TMEM132D: variants seen among roughly 807,000 people sequenced by gnomAD.
The protein encoded by TMEM132D is mature OL transmembrane protein.
TMEM132D carries 21 observed loss-of-function variants against 62.3 expected under a neutral mutation model. The ratio of observed to expected loss-of-function variants is 0.34; its 90% CI spans 0.24 to 0.49. The LOEUF (loss-of-function observed/expected upper bound fraction) is 0.49. Among genes scored for constraint, TMEM132D ranks in the 20% least tolerant of loss-of-function variants. The probability of loss-of-function intolerance (pLI) is 0.99; values close to 1 mark genes in which losing one functional copy is unlikely to be tolerated. For synonymous variants in TMEM132D, 621 were observed against 575.6 expected, an observed-to-expected ratio of 1.08 and a Z score of -1.13; for missense variants, 1,346 against 1,402.8, an observed-to-expected ratio of 0.96 and a Z score of 0.65.
chr12:129,146,076 CT>C (rs10714658), intron 5 of TMEM132D, among the ~76,000 whole-genome samples: 83,120 of 149,378 alleles, frequency 0.56, 23,761 homozygotes, highest in African/African-American at 0.72. Flanking sequence ...CCATACTGAT[CT>C]TTTTTTTTTT....
chr12:129,333,620 C>T (rs1295706828), intron 4 of TMEM132D, among the ~76,000 whole-genome samples: 1 of 152,156 alleles, frequency 6.6e-6, no homozygotes, highest in African/African-American at 2.4e-5. Flanking sequence ...CAGGACAGCA[C>T]CAGACATTTC....
chr12:129,770,960 CT>C (rs1870730197), intron 1 of TMEM132D, among the ~76,000 whole-genome samples: 1 of 152,198 alleles, frequency 6.6e-6, no homozygotes. Context: ...TAGTTAAATA[CT>C]CGTATCTCAC....
At chr12:129,740,642 G>A (rs1357957126) in intron 1 of TMEM132D, among the ~76,000 whole-genome samples, 2 of 151,998 alleles carry the variant, frequency 1.3e-5, no homozygotes, top group Admixed American at 6.6e-5. Flanking sequence ...GGCTTTCAAG[G>A]ATGCCACATA....
chr12:129,642,936 T>G (rs1293630356), intron 2 of TMEM132D, among the ~76,000 whole-genome samples: 1 of 149,954 alleles, frequency 6.7e-6, no homozygotes, highest in Non-Finnish European at 1.5e-5. Context: ...TTTTTTTTTT[T>G]TTTTTGAGAC....
At chr12:129,436,484 C>T (rs1415591636) in intron 3 of TMEM132D, among the ~76,000 whole-genome samples, 1 of 152,096 alleles carries the variant, frequency 6.6e-6, no homozygotes, top group Non-Finnish European at 1.5e-5. Context: ...TGTGAGGCAG[C>T]TGGGTGAGGA....
intron 4 of TMEM132D, among the ~76,000 whole-genome samples, chr12:129,244,450 C>T: frequency 6.6e-6 from 1 of 150,984 alleles, no homozygotes; most frequent in Admixed American, 6.6e-5. Flanking sequence ...TTTGTTCATT[C>T]AGCAAACTTC....
intron 4 of TMEM132D, among the ~76,000 whole-genome samples, chr12:129,232,363 G>T (rs1879665532): frequency 6.6e-6 from 1 of 152,172 alleles, no homozygotes; most frequent in South Asian, 2.1e-4. Flanking sequence ...CATGTTTTCT[G>T]CTTGATGCTT....
At chr12:129,546,750 G>A (rs968275461) in intron 2 of TMEM132D, among the ~76,000 whole-genome samples, 5 of 151,554 alleles carry the variant, frequency 3.3e-5, no homozygotes, top group African/African-American at 7.3e-5. Flanking sequence ...GCAGTGAGCC[G>A]AGATCATGCC....
chr12:129,159,558 A>G (rs1166919451), intron 5 of TMEM132D, among the ~76,000 whole-genome samples: 5 of 152,070 alleles, frequency 3.3e-5, no homozygotes, highest in African/African-American at 1.2e-4. Context: ...GGAGTTTGAG[A>G]CCAGCCTGGC....
chr12:129,713,891 G>A (rs1487011495), intron 1 of TMEM132D, among the ~76,000 whole-genome samples: 1 of 152,204 alleles, frequency 6.6e-6, no homozygotes, highest in East Asian at 1.9e-4. Flanking sequence ...CTGGTCCAGG[G>A]ACCCTGCTTT....
chr12:129,262,038 G>C (rs554789114), intron 4 of TMEM132D, among the ~76,000 whole-genome samples: 24 of 152,250 alleles, frequency 1.6e-4, no homozygotes, highest in East Asian at 1.4e-3. Flanking sequence ...GGGCTTGGGG[G>C]CACCTACAGA....
chr12:129,851,043 TC>T (rs1873521946), intron 1 of TMEM132D, among the ~76,000 whole-genome samples: 1 of 152,148 alleles, frequency 6.6e-6, no homozygotes, highest in Non-Finnish European at 1.5e-5. Context: ...AATATTTACT[TC>T]AAAAAGGGAA....
intron 1 of TMEM132D, among the ~76,000 whole-genome samples, chr12:129,830,943 A>G (rs1872809855): frequency 6.6e-6 from 1 of 152,126 alleles, no homozygotes; most frequent in Non-Finnish European, 1.5e-5. Flanking sequence ...CAAGTGTTGG[A>G]GACACCCCAG....
chr12:129,772,881 A>G lies in TMEM132D; in HGVS notation c.80-72183T>C, dbSNP rs552530275. Among the ~76,000 whole-genome samples, 10 of 152,320 alleles carry G rather than the reference A, an allele frequency of 6.6e-5. No individual in the cohort carries two copies. The East Asian group carries it at 1.9e-3, about 29-fold the overall frequency. On this transcript the variant is annotated intron_variant, in intron 1 of 8. Transcript: ENST00000422113. ...CCTGGCTCGGACTTCCTCCCACATC[A>G]TTTATCTTTTTTAGCATCTTTGAGG...
At chr12:129,544,730 A>G (rs1347842595) in intron 2 of TMEM132D, among the ~76,000 whole-genome samples, 1 of 152,216 alleles carries the variant, frequency 6.6e-6, no homozygotes, top group African/African-American at 2.4e-5. Flanking sequence ...GAAAAAAAAG[A>G]GAAAGAAAAA....
intron 5 of TMEM132D, among the ~76,000 whole-genome samples, chr12:129,167,103 T>C (rs1037857754): frequency 6.7e-6 from 1 of 149,998 alleles, no homozygotes; most frequent in Admixed American, 6.7e-5. Flanking sequence ...GAGGTTGCAG[T>C]GAGCTGAGAT....
chr12:129,611,791 T>C (rs978631094), intron 2 of TMEM132D, among the ~76,000 whole-genome samples: 2 of 152,154 alleles, frequency 1.3e-5, no homozygotes, highest in African/African-American at 4.8e-5. Context: ...CTCAGCCCAA[T>C]TGTAGGGAAA....
intron 1 of TMEM132D, among the ~76,000 whole-genome samples, chr12:129,808,262 A>G (rs766018169): frequency 2.6e-5 from 4 of 152,224 alleles, no homozygotes; most frequent in Non-Finnish European, 5.9e-5. Context: ...TGAGAAGAGC[A>G]GAAGTCAATA....
chr12:129,481,477 AAAC>A (rs796671693), intron 3 of TMEM132D, among the ~76,000 whole-genome samples: 33,725 of 146,670 alleles, frequency 0.23, 3,863 homozygotes, highest in Non-Finnish European at 0.28. Context: ...AAAAAAAAAA[AAAC>A]CCACAAAACT....
Sources: gnomAD v4.1 joint callset for allele counts (sites outside exome capture counted in the v4.1 genomes callset) on GRCh38, gnomAD v4.1.1 for gene constraint, MANE v1.5 for transcripts, NCBI Gene and HGNC (gene_info 2026-07-23, HGNC 2026-07-21) for gene names.